Variants in ATXN10 observed in about 807,000 individuals in gnomAD.
ATXN10 encodes the protein ataxin-10.
In ATXN10, 28 loss-of-function variants were observed where a neutral mutation model predicts 52.9. The observed-to-expected ratio is 0.53, with a 90% CI of 0.39 to 0.73. The LOEUF (loss-of-function observed/expected upper bound fraction) is 0.73, where lower values mean the gene tolerates loss of function less well. ATXN10 is among the 30% of genes least tolerant of loss of function. The probability of loss-of-function intolerance (pLI) is 0.00; values close to 1 mark genes in which losing one functional copy is unlikely to be tolerated. For missense variants in ATXN10, 565 were observed against 577.0 expected (o/e 0.98, Z 0.21); for synonymous variants, 226 against 221.5 (o/e 1.02, Z -0.18).
rs1927477022 is a variant in ATXN10 at position 45,790,675 on chromosome 22, C to G, written c.1174-16284C>G. ...TCCAGTGAGTCAAGACCATGCCTTG[C>G]TTCTCTCATGGGTTTTGTAGGACCC... On this transcript the variant is annotated intron_variant, in intron 9 of 11. Transcript: ENST00000252934. The surrounding 1 kb of genome is among the most constrained non-coding windows in gnomAD (Gnocchi z 4.7). Among the ~76,000 whole-genome samples the G allele has an allele frequency of 1.3e-5, 2 of 152,282 alleles. No individual in the cohort carries two copies. The highest frequency in any genetic ancestry group is 4.1e-4 in the South Asian group (2 of 4,820).
At chr22:45,832,157 T>C (rs763939289) in intron 10 of ATXN10, among the ~76,000 whole-genome samples, 14 of 152,262 alleles carry the variant, frequency 9.2e-5, no homozygotes, top group Non-Finnish European at 1.6e-4. Context: ...AGCTTCTTAA[T>C]TTTTCTACTT....
Position 45,787,492 on chromosome 22 carries a change from G to T in ATXN10, c.1174-19467G>T, listed in dbSNP as rs1927360239. On this transcript the variant is annotated intron_variant, in intron 9 of 11. Transcript: ENST00000252934. This position sits in a 1 kb window ranked among gnomAD's most constrained non-coding sequence, Gnocchi z 4.2. ...TTTCCTTCCCACCTTCTAGCCTCCA[G>T]TTCCCAAGCCTGGCATTTGCTTCTT... Among the ~76,000 whole-genome samples, 1 of 152,158 alleles carries T rather than the reference G, an allele frequency of 6.6e-6. No individual in the cohort carries two copies. Among genetic ancestry groups the T allele is most frequent in the Non-Finnish European group, 1.5e-5 (1 of 68,038 alleles).
intron 9 of ATXN10, among the ~76,000 whole-genome samples, chr22:45,798,760 T>G (rs1186346360): frequency 6.6e-6 from 1 of 152,158 alleles, no homozygotes; most frequent in East Asian, 1.9e-4. Flanking sequence ...TCGTGTGTGT[T>G]AAGGAACTGA....
chr22:45,684,618 G>A lies in ATXN10; in HGVS notation c.117-5094G>A, dbSNP rs1923062252. Among the ~76,000 whole-genome samples, 2 of 152,146 alleles carry A rather than the reference G, an allele frequency of 1.3e-5. No homozygotes were observed. The highest frequency in any genetic ancestry group is 2.9e-5 in the Non-Finnish European group (2 of 68,024). On this transcript the variant is annotated intron_variant, in intron 1 of 11. Coordinates refer to ENST00000252934, the MANE Select transcript of ATXN10 (RefSeq NM_013236.4). The surrounding 1 kb of genome is among the most constrained non-coding windows in gnomAD (Gnocchi z 4.1). Reference sequence around the variant, plus strand: ...CCTGTGGCTGCGTTTGTGCACTGGGGGAGTTGAGAGTGTGACAGAGGCTGT... The same window carrying A: ...CCTGTGGCTGCGTTTGTGCACTGGGAGAGTTGAGAGTGTGACAGAGGCTGT...
intron 9 of ATXN10, chr22:45,793,795 G>A: frequency 7.6e-7 from 1 of 1,317,404 alleles, no homozygotes; most frequent in Non-Finnish European, 9.7e-7. Flanking sequence ...CCCCAAATTG[G>A]GACTTAGCCT....
chr22:45,693,826 A>G (rs1322110647), intron 3 of ATXN10, among the ~76,000 whole-genome samples: 1 of 152,192 alleles, frequency 6.6e-6, no homozygotes, highest in Non-Finnish European at 1.5e-5. Flanking sequence ...GGAGAAGATG[A>G]CCATCTACAG....
intron 9 of ATXN10, among the ~76,000 whole-genome samples, chr22:45,777,756 T>C (rs1927010644): frequency 6.6e-6 from 1 of 152,254 alleles, no homozygotes; most frequent in Non-Finnish European, 1.5e-5. Context: ...GCCTGTTCAC[T>C]TAAGCTCTAG....
intron 9 of ATXN10, chr22:45,793,870 TTTGA>T (rs991097285): frequency 3.9e-6 from 5 of 1,279,156 alleles, no homozygotes; most frequent in Non-Finnish European, 4.9e-6. Context: ...AAACAGCAAC[TTTGA>T]TTGAAGCAGC....
chr22:45,773,188 G>A (rs1404673436), intron 9 of ATXN10, among the ~76,000 whole-genome samples: 2 of 152,174 alleles, frequency 1.3e-5, no homozygotes, highest in East Asian at 3.8e-4. Flanking sequence ...CATTGACCTT[G>A]TGTCGTATGG....
Position 45,693,074 on chromosome 22 carries a change from G to T in ATXN10, c.387G>T (p.Leu129Phe). 6.2e-7 allele frequency: 1 copy of T among 1,613,108 alleles called. No individual in the cohort carries two copies. Among genetic ancestry groups the T allele is most frequent in the Non-Finnish European group, 8.5e-7 (1 of 1,179,140 alleles). The stretch of plus-strand genomic sequence containing the variant: ...TGCGAGTGGAACAGGAATCTCTGTT[G>T]ACAGGTAGCATGCAATATAATTCAT... ...RELRVEQESL[L>F]TAFRCGLQFL... Residue 129 changes from leucine to phenylalanine, a missense_variant, in exon 3 of 12, where the codon TTG (leucine) becomes TTT (phenylalanine). By Grantham distance (22) the Leu-to-Phe change is conservative (BLOSUM62 0). Transcript: ENST00000252934.
In ATXN10 at chr22:45,689,770, C is replaced by T; in HGVS notation, c.175C>T (p.His59Tyr). The change falls in exon 2 of 12, where the codon CAT becomes TAT. Residue 59 changes from histidine (H) to tyrosine (Y), a missense_variant. Coordinates refer to ENST00000252934, the MANE Select transcript of ATXN10 (RefSeq NM_013236.4). ...TCTGGATATCCTAAAGAAATCTTCT[C>T]ATGCTGTTGAGCTTGCCTGCAGAGA... ...RVLDILKKSS[H>Y]AVELACRDPS... 6.2e-7 allele frequency: 1 copy of T among 1,614,192 alleles called. No individual in the cohort carries two copies. Among genetic ancestry groups the T allele is most frequent in the Non-Finnish European group, 8.5e-7 (1 of 1,180,032 alleles).
rs182105142 is a variant in ATXN10 at position 45,835,309 on chromosome 22, G to A, written c.1238-7682G>A. The stretch of plus-strand genomic sequence containing the variant: ...GCTTTCACATCTGGGACTGGTGAGG[G>A]ATGGAGAGTACACGCCCAGCAAGGC... On this transcript the variant is annotated intron_variant, in intron 10 of 11. Transcript: ENST00000252934. The surrounding 1 kb of genome is among the most constrained non-coding windows in gnomAD (Gnocchi z 5.0). Among the ~76,000 whole-genome samples the A allele has an allele frequency of 3.5e-4, 54 of 152,322 alleles. No homozygotes were observed. Among genetic ancestry groups the A allele is most frequent in the African/African-American group, 1.2e-3 (51 of 41,566 alleles).
chr22:45,694,940 CAAAAAAAAAAAAAAA>C (rs748780048), intron 3 of ATXN10, among the ~76,000 whole-genome samples: 2 of 21,924 alleles, frequency 9.1e-5, no homozygotes, highest in Non-Finnish European at 2.1e-4. Flanking sequence ...GACTCTGTCT[CAAAAAAAAAAAAAAA>C]AAAAAAAAAA....
Position 45,772,504 on chromosome 22 carries a change from A to G in ATXN10, c.1173+31966A>G, listed in dbSNP as rs1254365565. On this transcript the variant is annotated intron_variant, in intron 9 of 11. Coordinates refer to ENST00000252934, the MANE Select transcript of ATXN10 (RefSeq NM_013236.4). This position sits in a 1 kb window ranked among gnomAD's most constrained non-coding sequence, Gnocchi z 4.1. ...TTTACAGTAAATCTTAAAATTGGGT[A>G]GTGTGATTCATCCAACTTTATTTTA... 6.6e-6 allele frequency among the ~76,000 whole-genome samples: 1 copy of G among 152,208 alleles called. No individual in the cohort carries two copies. The highest frequency in any genetic ancestry group is 1.5e-5 in the Non-Finnish European group (1 of 68,036).
intron 10 of ATXN10, among the ~76,000 whole-genome samples, chr22:45,829,409 C>T (rs958714627): frequency 6.6e-6 from 1 of 152,116 alleles, no homozygotes; most frequent in Non-Finnish European, 1.5e-5. Context: ...AAAGAAAAGG[C>T]ATCCAAATTA....
rs1926929570 is a variant in ATXN10 at position 45,775,714 on chromosome 22, T to G, written c.1174-31245T>G. Among the ~76,000 whole-genome samples the G allele has an allele frequency of 6.6e-6, 1 of 152,172 alleles. No homozygotes were observed. The highest frequency in any genetic ancestry group is 2.4e-5 in the African/African-American group (1 of 41,436). On this transcript the variant is annotated intron_variant, in intron 9 of 11. Transcript: ENST00000252934. The surrounding 1 kb of genome is among the most constrained non-coding windows in gnomAD (Gnocchi z 4.7). ...AGAGAGATTTAGTGAAAAACAGCGGTTGAGTAGTTTCCATGCTTCAAGTTT... is the reference window on the plus strand; with the variant it reads ...AGAGAGATTTAGTGAAAAACAGCGGGTGAGTAGTTTCCATGCTTCAAGTTT...
At chr22:45,768,539 A>G (rs1926667406) in intron 9 of ATXN10, among the ~76,000 whole-genome samples, 1 of 152,218 alleles carries the variant, frequency 6.6e-6, no homozygotes, top group Non-Finnish European at 1.5e-5. Flanking sequence ...ATTAATTGCA[A>G]CCAAATCAAA....
In ATXN10 at chr22:45,740,447, G is replaced by T. The variant is rs1329068792; in HGVS notation, c.1082G>T (p.Gly361Val). The T allele has an allele frequency of 6.2e-7, 1 of 1,613,882 alleles. No homozygotes were observed. Among genetic ancestry groups the T allele is most frequent in the Admixed American group, 1.7e-5 (1 of 59,984 alleles). Residue 361 changes from glycine to valine, a missense_variant, in exon 9 of 12, where the codon GGT becomes GTT. Gly to Val is a moderately radical substitution (Grantham distance 109). Transcript: ENST00000252934. ...AATTGTGGTTGCGTGAGAGCAGAAG[G>T]TGACATCTCCAATGTGGCCAATGGG... Reference protein sequence around the residue: ...FSNCGCVRAEGDISNVANGFK... With the variant: ...FSNCGCVRAEVDISNVANGFK...
intron 10 of ATXN10, among the ~76,000 whole-genome samples, chr22:45,830,393 G>A (rs1031961444): frequency 7.2e-5 from 11 of 152,294 alleles, no homozygotes; most frequent in African/African-American, 2.6e-4. Context: ...TCAACAGAGT[G>A]AAAGAATCAT....
Sources: gnomAD v4.1 joint callset for allele counts (sites outside exome capture counted in the v4.1 genomes callset) on GRCh38, gnomAD v4.1.1 for gene constraint, Gnocchi (gnomAD v3.1) non-coding constraint, MANE v1.5 for transcripts, NCBI Gene and HGNC (gene_info 2026-07-23, HGNC 2026-07-21) for gene names.